The following ETS2 variants were observed in gnomAD, a reference collection of about 807,000 sequenced individuals.
ETS2 encodes ETS proto-oncogene 2, transcription factor.
A neutral mutation model predicts 54.9 loss-of-function variants in ETS2; 19 were observed. The ratio of observed to expected loss-of-function variants is 0.35; its 90% confidence interval spans 0.24 to 0.51. The LOEUF (loss-of-function observed/expected upper bound fraction) is 0.51. Ranked by LOEUF, ETS2 falls within the 20% of genes least tolerant of loss-of-function variation. ETS2 has a pLI of 0.97. For synonymous variants in ETS2, 219 were observed against 229.3 expected, an observed-to-expected ratio of 0.95 and a Z score of 0.41; for missense variants, 417 against 593.0, an observed-to-expected ratio of 0.70 and a Z score of 3.08.
chr21:38,814,440 C>T lies in ETS2; in HGVS notation c.304+48C>T, dbSNP rs2060925154. The T allele has an allele frequency of 9.3e-6, 15 of 1,607,034 alleles. No individual in the cohort carries two copies. The highest frequency in any genetic ancestry group is 1.3e-5 in the Non-Finnish European group (15 of 1,175,936). ...TGCACTGGGTGAGAAGAACCAACTT[C>T]AGTGCAGTTGTTTGATCTTGACTTG... is the stretch of plus-strand genomic sequence containing the variant. On this transcript the variant is annotated intron_variant, in intron 4 of 9. Transcript: ENST00000360938. This position sits in a 1 kb window ranked among gnomAD's most constrained non-coding sequence, Gnocchi z 4.2.
chr21:38,805,509 C>G, upstream of ETS2: 13 of 1,287,884 alleles, frequency 1.0e-5, no homozygotes, highest in Non-Finnish European at 1.3e-5. The surrounding 1 kb of genome is among the most constrained non-coding windows in gnomAD (Gnocchi z 5.2). Context: ...CTCCGCCCGG[C>G]TCCCAGGGCG....
intron 6 of ETS2, 36 bp downstream of exon 6, chr21:38,817,127 C>T (rs760458348): frequency 3.9e-5 from 52 of 1,341,362 alleles, no homozygotes; most frequent in Non-Finnish European, 5.2e-5. Context: ...AGAACTTTGT[C>T]TTCAGTCTTC....
intron 1 of ETS2, among the ~76,000 whole-genome samples, chr21:38,808,330 C>A (rs1263657334): frequency 2.6e-5 from 4 of 152,186 alleles, no homozygotes; most frequent in African/African-American, 9.7e-5. Context: ...GCAATGGCAG[C>A]CATCAATAGG....
intron 2 of ETS2, among the ~76,000 whole-genome samples, chr21:38,812,012 G>C (rs2060915631): frequency 6.6e-6 from 1 of 152,274 alleles, no homozygotes; most frequent in Non-Finnish European, 1.5e-5. Flanking sequence ...CACCCCGCCT[G>C]GCCTGGGGGC....
At chr21:38,820,921 T>A (rs560544753) in intron 8 of ETS2, among the ~76,000 whole-genome samples, 1 of 152,286 alleles carries the variant, frequency 6.6e-6, no homozygotes, top group South Asian at 2.1e-4. Context: ...CCCTCCTCTT[T>A]AGAACAGAAC....
rs149038175 is a variant in ETS2 at position 38,814,372 on chromosome 21, G to A, written c.284G>A (p.Arg95Gln). 1.4e-4 allele frequency: 226 copies of A among 1,613,992 alleles called. No homozygotes were observed. The highest frequency in any genetic ancestry group is 2.7e-4 in the Admixed American group (16 of 60,002). Reference sequence around the variant, plus strand: ...TTCAGTGGCTTCAAAAAGGAACAGCGGCGCCTGGGCATTCCAAAGAGTAAG... The same window carrying A: ...TTCAGTGGCTTCAAAAAGGAACAGCAGCGCCTGGGCATTCCAAAGAGTAAG... ...ATFSGFKKEQ[R>Q]RLGIPKNPWL... The change falls in exon 4 of 10, where the codon CGG (arginine) becomes CAG (glutamine). Residue 95 changes from arginine to glutamine, a missense_variant. Arg to Gln is a conservative substitution (Grantham distance 43). Coordinates refer to ENST00000360938, the MANE Select transcript of ETS2 (RefSeq NM_005239.6). This position sits in a 1 kb window ranked among gnomAD's most constrained non-coding sequence, Gnocchi z 4.2.
chr21:38,806,711 C>T lies in ETS2; in HGVS notation c.-1+591C>T, dbSNP rs888645605. The T allele has an allele frequency of 2.3e-5, 23 of 985,312 alleles. No homozygotes were observed. Among genetic ancestry groups the T allele is most frequent in the African/African-American group, 3.5e-5 (2 of 57,214 alleles). The allele number at this position is 985,312 out of a possible 1,614,324, so 61.0% of individuals were successfully genotyped here. ...TCCAGGGCCCGGGCTGGGGACCCCT[C>T]GGTCGTGCGAGGAGAGCGTGGGGAA... On this transcript the variant is annotated intron_variant, in intron 1 of 9. Transcript: ENST00000360938. This position sits in a 1 kb window ranked among gnomAD's most constrained non-coding sequence, Gnocchi z 4.3.
At chr21:38,809,349 G>A (rs2060905435) in intron 1 of ETS2, among the ~76,000 whole-genome samples, 5 of 152,296 alleles carry the variant, frequency 3.3e-5, no homozygotes, top group Middle Eastern at 3.4e-3. Context: ...AGGCAGATCC[G>A]TGCTTGGAAT....
intron 6 of ETS2, 98 bp downstream of exon 6, chr21:38,817,189 CTG>C: frequency 5.4e-6 from 4 of 736,936 alleles, no homozygotes; most frequent in Non-Finnish European, 7.0e-6. Flanking sequence ...CCACCTAGAC[CTG>C]TGTGTCTCTT....
In ETS2 at chr21:38,810,023, T is replaced by G; in HGVS notation, c.1-12T>G. On this transcript the variant is annotated splice_polypyrimidine_tract_variant and intron_variant, in intron 1 of 9. Coordinates refer to ENST00000360938, the MANE Select transcript of ETS2 (RefSeq NM_005239.6). Reference sequence around the variant, plus strand: ...CTTTTGCCTCTTTGACTTTTTTTTTTTCTTTTTTAAGATGAATGATTTCGG... The same window carrying G: ...CTTTTGCCTCTTTGACTTTTTTTTTGTCTTTTTTAAGATGAATGATTTCGG... 6.4e-7 allele frequency: 1 copy of G among 1,565,262 alleles called. No individual in the cohort carries two copies. The highest frequency in any genetic ancestry group is 8.6e-7 in the Non-Finnish European group (1 of 1,160,130).
chr21:38,822,453 C>G (rs548062906), intron 9 of ETS2, among the ~76,000 whole-genome samples: 3 of 152,288 alleles, frequency 2.0e-5, no homozygotes, highest in African/African-American at 7.2e-5. Flanking sequence ...GAGCAGGGAC[C>G]TCATTCCCCA....
chr21:38,822,172 C>A (rs1255758695), intron 9 of ETS2, among the ~76,000 whole-genome samples: 3 of 152,196 alleles, frequency 2.0e-5, no homozygotes, highest in Non-Finnish European at 4.4e-5. Flanking sequence ...GGGATACCAA[C>A]CCCGCCAGAA....
chr21:38,814,669 G>A lies in ETS2; in HGVS notation c.305-112G>A, dbSNP rs910078037. The A allele has an allele frequency of 3.1e-5, 30 of 980,288 alleles. No homozygotes were observed. The highest frequency in any genetic ancestry group is 1.1e-4 in the African/African-American group (7 of 62,262). The allele number at this position is 980,288 out of a possible 1,614,324, so 60.7% of individuals were successfully genotyped here. On this transcript the variant is annotated intron_variant, in intron 4 of 9. Coordinates refer to ENST00000360938, the MANE Select transcript of ETS2 (RefSeq NM_005239.6). This position sits in a 1 kb window ranked among gnomAD's most constrained non-coding sequence, Gnocchi z 4.2. The stretch of plus-strand genomic sequence containing the variant: ...TGTCATCATGGTATCTTGCTCATTC[G>A]TGGGTTCTGGTGTATGTCGGTACTT...
Position 38,822,884 on chromosome 21 carries a change from G to A in ETS2, c.1405G>A (p.Asp469Asn), listed in dbSNP as rs1192553759. The A allele has an allele frequency of 6.4e-7, 1 of 1,572,572 alleles. No individual in the cohort carries two copies. Among genetic ancestry groups the A allele is most frequent in the African/African-American group, 1.4e-5 (1 of 73,974 alleles). ...AILGVQPDTE[D>N] ...CCTGGGCGTCCAGCCCGACACGGAG[G>A]ACTGAGGTCGCCGGGACCACCCTGA... is the stretch of plus-strand genomic sequence containing the variant. Residue 469 changes from aspartate (D) to asparagine (N), a missense_variant, in exon 10 of 10, where the codon GAC (aspartate) becomes AAC (asparagine). By Grantham distance (23) the Asp-to-Asn change is conservative (BLOSUM62 1). Around this residue, in one of 3 missense-constraint regions of ETS2, gnomAD observed 31 missense variants for 32.8 expected, o/e 0.95. Transcript: ENST00000360938.
chr21:38,814,735 C>T lies in ETS2; in HGVS notation c.305-46C>T, dbSNP rs1450269899. 1.6e-5 allele frequency: 25 copies of T among 1,556,060 alleles called. No individual in the cohort carries two copies. The highest frequency in any genetic ancestry group is 2.2e-5 in the Non-Finnish European group (25 of 1,129,274). On this transcript the variant is annotated intron_variant, in intron 4 of 9. Coordinates refer to ENST00000360938, the MANE Select transcript of ETS2 (RefSeq NM_005239.6). This position sits in a 1 kb window ranked among gnomAD's most constrained non-coding sequence, Gnocchi z 4.2. The stretch of plus-strand genomic sequence containing the variant: ...GATGACAGTGGTCTCACTACCTTTC[C>T]ACTGTTTTTACCTCATGTGTTCCAT...
At chr21:38,805,528 C>A (rs1413533012), upstream of ETS2, 2 of 1,287,166 alleles carry the variant, frequency 1.6e-6, no homozygotes, top group Admixed American at 2.3e-5. The surrounding 1 kb of genome is among the most constrained non-coding windows in gnomAD (Gnocchi z 5.2). Context: ...CGCACACTCG[C>A]GCGCACGTGG....
chr21:38,818,528 C>G lies in ETS2; in HGVS notation c.693C>G (p.Ser231Arg). ...MCPASTPSVLSSEQEFQMFPK... is the reference protein window; with the variant it reads ...MCPASTPSVLRSEQEFQMFPK... ...CGGCCTCCACACCCAGCGTACTCAG[C>G]TCTGAGCAGGAGTTTCAGATGTTCC... The change falls in exon 7 of 10, where the codon AGC (serine) becomes AGG (arginine). Residue 231 changes from serine to arginine, a missense_variant. Transcript: ENST00000360938. 4 of 1,614,220 alleles carry G rather than the reference C, an allele frequency of 2.5e-6. No individual in the cohort carries two copies. The highest frequency in any genetic ancestry group is 1.7e-6 in the Non-Finnish European group (2 of 1,180,034).
rs1288502202 is a variant in ETS2 at position 38,821,217 on chromosome 21, G to A, written c.1076-369G>A. Among the ~76,000 whole-genome samples, 1 of 152,122 alleles carries A rather than the reference G, an allele frequency of 6.6e-6. No individual in the cohort carries two copies. The highest frequency in any genetic ancestry group is 1.5e-5 in the Non-Finnish European group (1 of 68,014). On this transcript the variant is annotated intron_variant, in intron 8 of 9. Transcript: ENST00000360938. The surrounding 1 kb of genome is among the most constrained non-coding windows in gnomAD (Gnocchi z 4.2). ...CTGGGTGTTTCTAGAAAAAAACCTT[G>A]AAGGTTTTTACATAAGGAACAATTA...
At chr21:38,805,594 T>C (rs2060888630), upstream of ETS2, 2 of 1,269,550 alleles carry the variant, frequency 1.6e-6, no homozygotes, top group Non-Finnish European at 2.0e-6. The surrounding 1 kb of genome is among the most constrained non-coding windows in gnomAD (Gnocchi z 5.2). Flanking sequence ...CCCAGCCGAG[T>C]GACAGCAGGA....
Sources: gnomAD v4.1 joint callset for allele counts (sites outside exome capture counted in the v4.1 genomes callset) on GRCh38, gnomAD v4.1.1 for gene constraint, gnomAD v4.1.1 regional missense constraint, Gnocchi (gnomAD v3.1) non-coding constraint, MANE v1.5 for transcripts, NCBI Gene and HGNC (gene_info 2026-07-23, HGNC 2026-07-21) for gene names.